Variants in CLCN5 observed in about 807,000 individuals in gnomAD.
The protein encoded by CLCN5 is H(+)/Cl(-) exchange transporter 5.
Under a neutral mutation model 54.0 loss-of-function variants are expected in CLCN5, and 17 were observed. That is an observed-to-expected ratio of 0.31 (90% CI 0.22 to 0.47). CLCN5 has a LOEUF of 0.47. Ranked by LOEUF, CLCN5 falls within the 20% of genes least tolerant of loss-of-function variation. The pLI is 1.00. For synonymous variants in CLCN5, 222 were observed against 233.0 expected, an observed-to-expected ratio of 0.95 and a Z score of 0.43; for missense variants, 448 against 646.7, an observed-to-expected ratio of 0.69 and a Z score of 3.33.
chrX:50,072,384 G>T, intron 5 of CLCN5, 105 bp from the exon 6 acceptor site: 1 of 591,817 alleles, frequency 1.7e-6, no homozygotes, highest in African/African-American at 2.2e-5. Flanking sequence ...CTCTAAATTG[G>T]TCTCTATTCT....
chrX:50,047,485 A>G (rs1932432877), intron 4 of CLCN5, among the ~76,000 whole-genome samples: 1 of 111,489 alleles, frequency 9.0e-6, no homozygotes, highest in South Asian at 3.8e-4. Flanking sequence ...ACAGGCTTTA[A>G]AGGGTTCATT....
chrX:49,934,596 A>G (rs1383879536), intron 3 of CLCN5, among the ~76,000 whole-genome samples: 1 of 111,607 alleles, frequency 9.0e-6, no homozygotes, highest in African/African-American at 3.3e-5. Context: ...TTAGGTGGCA[A>G]TTTATTATAT....
intron 3 of CLCN5, among the ~76,000 whole-genome samples, chrX:49,984,835 TTCAAAC>T (rs1928920984): frequency 9.0e-6 from 1 of 110,695 alleles, no homozygotes; most frequent in Non-Finnish European, 1.9e-5. Context: ...CCAGGCTGGT[TTCAAAC>T]TCTTGGGCTC....
chrX:50,028,254 G>C (rs1294500413), intron 3 of CLCN5, among the ~76,000 whole-genome samples: 2 of 111,761 alleles, frequency 1.8e-5, no homozygotes, highest in Non-Finnish European at 3.8e-5. Context: ...TTTCATGAAG[G>C]TATGCCTTAT....
At chrX:49,946,844 T>C (rs1266890160) in intron 3 of CLCN5, among the ~76,000 whole-genome samples, 4 of 111,098 alleles carry the variant, frequency 3.6e-5, no homozygotes, top group Non-Finnish European at 7.5e-5. Context: ...TTTTTATTTT[T>C]TGAGATGGAG....
At chrX:49,997,185 T>G (rs1393735825) in intron 3 of CLCN5, among the ~76,000 whole-genome samples, 1 of 112,155 alleles carries the variant, frequency 8.9e-6, no homozygotes, top group East Asian at 2.8e-4. Context: ...TCTTACTTGA[T>G]GTAGACCCTT....
chrX:50,062,016 A>G (rs1300707726), intron 4 of CLCN5, among the ~76,000 whole-genome samples: 3 of 98,597 alleles, frequency 3.0e-5, no homozygotes, highest in East Asian at 3.1e-4. Context: ...AGCGCTAAAC[A>G]TGGAAAGGAA....
intron 3 of CLCN5, among the ~76,000 whole-genome samples, chrX:49,970,278 A>G (rs1928136655): frequency 1.8e-5 from 2 of 111,749 alleles, no homozygotes; most frequent in African/African-American, 6.5e-5. Flanking sequence ...TATAATTTGC[A>G]TACCATACAA....
At position 50,081,553 on chromosome X, in the gene CLCN5, C is replaced by T. The variant is rs1444733219; in HGVS notation, c.727-88C>T. 3 of 675,006 alleles carry T rather than the reference C, an allele frequency of 4.4e-6. No homozygotes were observed. In the Admixed American group the frequency reaches 6.7e-5, roughly 15 times the overall value. The allele number at this position is 675,006 out of a possible 1,213,427, so 55.6% of individuals were successfully genotyped here. A position where few individuals can be genotyped will look rare whatever the true frequency, so the allele number is the denominator to read the frequency against. ...TTATATGTCACTTATTCAAAAGGTG[C>T]AGTTTCTATAATGAGGTCCAGATTT... On this transcript the variant is annotated intron_variant, in intron 8 of 14. Coordinates refer to ENST00000376091, the MANE Select transcript of CLCN5 (RefSeq NM_001127898.4).
In CLCN5 at chrX:49,938,913, G is replaced by A. The variant is rs1276335189; in HGVS notation, c.16+13599G>A. ...TCATCTGACAAAGGGCTAATATCCA[G>A]AATCTACAATGAACTCAAACAAATT... On this transcript the variant is annotated intron_variant, in intron 3 of 14. Transcript: ENST00000376091. Among the ~76,000 whole-genome samples, 9 of 101,995 alleles carry A rather than the reference G, an allele frequency of 8.8e-5. No individual in the cohort carries two copies. In the East Asian group the frequency reaches 2.8e-3, roughly 32 times the overall value. The allele number at this position is 101,995 out of a possible 115,157, so 88.6% of individuals were successfully genotyped here. A position where few individuals can be genotyped will look rare whatever the true frequency, so the allele number is the denominator to read the frequency against.
At chrX:50,013,532 C>T (rs1207799187) in intron 3 of CLCN5, among the ~76,000 whole-genome samples, 2 of 111,546 alleles carry the variant, frequency 1.8e-5, no homozygotes, top group African/African-American at 3.3e-5. Flanking sequence ...TGAGCCTTCT[C>T]ATTCTCTTAT....
chrX:50,077,812 CAAAAAAAAAAAAAAAAAAAAAAAAAA>C (rs35768604), intron 7 of CLCN5, among the ~76,000 whole-genome samples: 1 of 22,332 alleles, frequency 4.5e-5, no homozygotes, highest in African/African-American at 2.5e-4. Flanking sequence ...CCTGTCTCTA[CAAAAAAAAAAAAAAAAAAAAAAAAAA>C]AAAAAAAAAA....
chrX:50,088,536 C>T, intron 11 of CLCN5, 162 bp from the exon 12 acceptor site: 2 of 513,251 alleles, frequency 3.9e-6, no homozygotes, highest in South Asian at 5.6e-5. Context: ...AACCTCTAGT[C>T]CCTGTAGTGT....
chrX:50,080,532 G>C lies in CLCN5; in HGVS notation c.604-62G>C. On this transcript the variant is annotated intron_variant, in intron 7 of 14. Coordinates refer to ENST00000376091, the MANE Select transcript of CLCN5 (RefSeq NM_001127898.4). ...TTTCCTGAAAAAACATTACTCAGAA[G>C]AGCTGCATGTCTCACTGAAGCTGTC... The C allele has an allele frequency of 3.1e-6, 3 of 956,873 alleles. No homozygotes were observed. In the Admixed American group the frequency reaches 7.5e-5, roughly 24 times the overall value. 78.9% of individuals were successfully genotyped at this position (956,873 alleles called of 1,213,427 possible). A position where few individuals can be genotyped will look rare whatever the true frequency, so the allele number is the denominator to read the frequency against.
chrX:50,027,546 C>T (rs1931471005), intron 3 of CLCN5, among the ~76,000 whole-genome samples: 2 of 111,869 alleles, frequency 1.8e-5, no homozygotes, highest in Non-Finnish European at 3.8e-5. Flanking sequence ...TTTTTGATTT[C>T]TAGCATTTCC....
At chrX:49,946,102 A>G (rs1473575176) in intron 3 of CLCN5, among the ~76,000 whole-genome samples, 1 of 112,061 alleles carries the variant, frequency 8.9e-6, no homozygotes, top group Non-Finnish European at 1.9e-5. Context: ...TTAAATATCA[A>G]TGTAATTAAA....
At chrX:49,962,781 C>G (rs1350905974) in intron 3 of CLCN5, among the ~76,000 whole-genome samples, 2 of 111,754 alleles carry the variant, frequency 1.8e-5, no homozygotes, top group African/African-American at 6.5e-5. Context: ...TCAAGCCTGG[C>G]CCGGTCCCAT....
At chrX:50,018,119 A>C (rs1165674213) in intron 3 of CLCN5, among the ~76,000 whole-genome samples, 2 of 111,786 alleles carry the variant, frequency 1.8e-5, no homozygotes, top group Non-Finnish European at 3.8e-5. Flanking sequence ...TGGAATATCT[A>C]TTTATTTAGA....
At chrX:50,053,607 A>C (rs1238009712) in intron 4 of CLCN5, among the ~76,000 whole-genome samples, 1 of 111,121 alleles carries the variant, frequency 9.0e-6, no homozygotes, top group Non-Finnish European at 1.9e-5. Context: ...AGCTTAGGTT[A>C]TTGATTTTAG....
Sources: allele counts gnomAD v4.1 joint callset (sites outside exome capture counted in the v4.1 genomes callset), GRCh38; gene constraint gnomAD v4.1.1; transcripts MANE v1.5; gene names NCBI Gene and HGNC (gene_info 2026-07-23, HGNC 2026-07-21).